TAFA1: variants seen among roughly 807,000 people sequenced by gnomAD.
TAFA1 encodes TAFA chemokine like family member 1.
TAFA1 carries 4 observed loss-of-function variants against 18.5 expected under a neutral mutation model. That is an observed-to-expected ratio of 0.22 (90% CI 0.11 to 0.49). The LOEUF (loss-of-function observed/expected upper bound fraction) is 0.49, where lower values mean the gene tolerates loss of function less well. TAFA1 is among the 20% of genes least tolerant of loss of function. TAFA1 has a pLI of 0.98. For synonymous variants in TAFA1, 56 were observed against 55.2 expected, an observed-to-expected ratio of 1.01 and a Z score of -0.06; for missense variants, 147 against 169.0, an observed-to-expected ratio of 0.87 and a Z score of 0.72.
chr3:68,148,138 C>T (rs1442146008), intron 2 of TAFA1, among the ~76,000 whole-genome samples: 2 of 152,186 alleles, frequency 1.3e-5, no homozygotes, highest in East Asian at 1.9e-4. Context: ...TTAATAGCCA[C>T]AGATCAATTT....
chr3:68,030,598 CT>C (rs1704912492), intron 2 of TAFA1, among the ~76,000 whole-genome samples: 1 of 152,152 alleles, frequency 6.6e-6, no homozygotes, highest in African/African-American at 2.4e-5. Context: ...ATGAACTCAT[CT>C]ATTTTTATGG....
chr3:68,172,903 G>A (rs1228817185), intron 2 of TAFA1, among the ~76,000 whole-genome samples: 1 of 149,516 alleles, frequency 6.7e-6, no homozygotes, highest in Non-Finnish European at 1.5e-5. Flanking sequence ...CAAATTGACA[G>A]GGGTTTCTCT....
intron 3 of TAFA1, among the ~76,000 whole-genome samples, chr3:68,521,446 A>G (rs1040110058): frequency 6.6e-6 from 1 of 152,182 alleles, no homozygotes; most frequent in African/African-American, 2.4e-5. Context: ...GGTGCATTAA[A>G]CACACAACTG....
chr3:68,345,583 A>C lies in TAFA1; in HGVS notation c.119-71697A>C, dbSNP rs79656305. 0.011 allele frequency among the ~76,000 whole-genome samples: 1,616 copies of C among 152,272 alleles called. 83 individuals are homozygous for C. The East Asian group carries it at 0.17, about 16-fold the overall frequency. On this transcript the variant is annotated intron_variant, in intron 2 of 4. Transcript: ENST00000478136. ...TGATATGAACAGTAGAGTGACATTT[A>C]AGCTGGCCAAGGAGACCCAGGAGAT...
intron 2 of TAFA1, among the ~76,000 whole-genome samples, chr3:68,124,893 A>G (rs1281251199): frequency 1.3e-5 from 2 of 152,222 alleles, no homozygotes; most frequent in Non-Finnish European, 2.9e-5. Flanking sequence ...TAAGAGGGTA[A>G]AAATAAGGGG....
intron 2 of TAFA1, among the ~76,000 whole-genome samples, chr3:68,125,272 A>G (rs1003817825): frequency 1.3e-5 from 2 of 152,196 alleles, no homozygotes; most frequent in Non-Finnish European, 2.9e-5. Flanking sequence ...ACGTTACTGA[A>G]TTATTGTGAG....
In TAFA1 at chr3:68,516,059, A is replaced by T. The variant is rs576439205; in HGVS notation, c.260-22697A>T. ...ATATATTGGTCTCTGTTCACATGAG[A>T]GAGTACCTCTATGCATCTTTGCAGT... On this transcript the variant is annotated intron_variant, in intron 3 of 4. Transcript: ENST00000478136. Among the ~76,000 whole-genome samples, 12 of 152,350 alleles carry T rather than the reference A, an allele frequency of 7.9e-5. No individual in the cohort carries two copies. The East Asian group carries it at 1.7e-3, about 22-fold the overall frequency.
chr3:68,037,222 T>C (rs1256443173), intron 2 of TAFA1, among the ~76,000 whole-genome samples: 1 of 152,164 alleles, frequency 6.6e-6, no homozygotes, highest in Non-Finnish European at 1.5e-5. Context: ...TGGGCATGAA[T>C]GAGCACAGTG....
chr3:68,357,072 G>C (rs2106786080), intron 2 of TAFA1, among the ~76,000 whole-genome samples: 1 of 152,014 alleles, frequency 6.6e-6, no homozygotes, highest in South Asian at 2.1e-4. Flanking sequence ...TGCCATGTAT[G>C]TGTTTTCTCT....
Position 68,316,744 on chromosome 3 carries a change from C to A in TAFA1, c.119-100536C>A, listed in dbSNP as rs578211976. Among the ~76,000 whole-genome samples the A allele has an allele frequency of 3.3e-5, 5 of 152,246 alleles. No individual in the cohort carries two copies. In the South Asian group the frequency reaches 1.0e-3, roughly 32 times the overall value. On this transcript the variant is annotated intron_variant, in intron 2 of 4. Coordinates refer to ENST00000478136, the MANE Select transcript of TAFA1 (RefSeq NM_213609.4). ...GCCAGACATACAACAGTGTCTGCCA[C>A]ATAGTAGGTCTCAATGAATAGGTGT...
At chr3:68,067,408 A>G (rs936122087) in intron 2 of TAFA1, among the ~76,000 whole-genome samples, 1 of 152,082 alleles carries the variant, frequency 6.6e-6, no homozygotes, top group East Asian at 1.9e-4. Context: ...TGACCACAAT[A>G]AACTGACTTT....
At chr3:68,374,580 C>T (rs2069771337) in intron 2 of TAFA1, among the ~76,000 whole-genome samples, 1 of 152,162 alleles carries the variant, frequency 6.6e-6, no homozygotes, top group East Asian at 1.9e-4. Flanking sequence ...GAGTACTCTA[C>T]AATTCAGCAT....
chr3:68,179,975 G>A (rs762189127), intron 2 of TAFA1, among the ~76,000 whole-genome samples: 8 of 150,040 alleles, frequency 5.3e-5, no homozygotes, highest in Non-Finnish European at 8.9e-5. Context: ...AAATTTTGAC[G>A]CTTGCATAAG....
intron 3 of TAFA1, among the ~76,000 whole-genome samples, chr3:68,515,431 G>T (rs2072906809): frequency 6.6e-6 from 1 of 152,114 alleles, no homozygotes; most frequent in Non-Finnish European, 1.5e-5. Flanking sequence ...GACCAGCCTG[G>T]TCATGTGGCC....
chr3:68,486,756 A>G (rs1414268618), intron 3 of TAFA1, among the ~76,000 whole-genome samples: 1 of 152,192 alleles, frequency 6.6e-6, no homozygotes, highest in African/African-American at 2.4e-5. Flanking sequence ...GTAAGCATTC[A>G]GTTAATTACC....
chr3:68,534,002 G>A (rs1044898331), intron 3 of TAFA1, among the ~76,000 whole-genome samples: 2 of 152,022 alleles, frequency 1.3e-5, no homozygotes, highest in African/African-American at 4.8e-5. Flanking sequence ...ACACTGTGAA[G>A]AAAACTAAAA....
rs1359732390 is a variant in TAFA1, at chr3:68,006,703, C to T, written c.77C>T (p.Ser26Phe). ...TGTGCAATGCTACTCTGCCATGGATCCCTTCAGCACACTTTCCAGCAGCAT... is the reference window on the plus strand; with the variant it reads ...TGTGCAATGCTACTCTGCCATGGATTCCTTCAGCACACTTTCCAGCAGCAT... ...SACAMLLCHGSLQHTFQQHHL... is the reference protein window; with the variant it reads ...SACAMLLCHGFLQHTFQQHHL... The change falls in exon 2 of 5, where the codon TCC (serine) becomes TTC (phenylalanine). Residue 26 changes from serine to phenylalanine, a missense_variant. Ser to Phe is a radical substitution (Grantham distance 155). Coordinates refer to ENST00000478136, the MANE Select transcript of TAFA1 (RefSeq NM_213609.4). 4.3e-6 allele frequency: 7 copies of T among 1,613,910 alleles called. No homozygotes were observed. The highest frequency in any genetic ancestry group is 5.9e-6 in the Non-Finnish European group (7 of 1,179,884).
At chr3:68,099,487 T>C (rs1041066148) in intron 2 of TAFA1, among the ~76,000 whole-genome samples, 3 of 152,122 alleles carry the variant, frequency 2.0e-5, no homozygotes, top group Admixed American at 2.0e-4. Context: ...TGGCTATTAT[T>C]AAAAAGTCAA....
At position 68,274,614 on chromosome 3, in the gene TAFA1, G is replaced by A. The variant is rs74758996; in HGVS notation, c.119-142666G>A. Among the ~76,000 whole-genome samples, 1,285 of 152,280 alleles carry A rather than the reference G, an allele frequency of 8.4e-3. 56 individuals are homozygous for A. In the East Asian group the frequency reaches 0.13, roughly 15 times the overall value. On this transcript the variant is annotated intron_variant, in intron 2 of 4. Transcript: ENST00000478136. ...TGGGAAGCAATATTTTCCACTGGGA[G>A]GACTTTGGAGCCTAGATAGTTATAG...
Sources: allele counts gnomAD v4.1 joint callset (sites outside exome capture counted in the v4.1 genomes callset), GRCh38; gene constraint gnomAD v4.1.1; transcripts MANE v1.5; gene names NCBI Gene and HGNC (gene_info 2026-07-23, HGNC 2026-07-21).